Variants in KLF8 observed in about 807,000 individuals in gnomAD.
KLF8 encodes KLF transcription factor 8.
In KLF8, 10 loss-of-function variants were observed where a neutral mutation model predicts 18.2. The observed-to-expected ratio is 0.55, with a 90% CI of 0.34 to 0.93. The LOEUF (loss-of-function observed/expected upper bound fraction) is 0.93. KLF8 is among the 40% of genes least tolerant of loss of function. The pLI is 0.02. For missense variants in KLF8, 264 were observed against 277.9 expected, an observed-to-expected ratio of 0.95 and a Z score of 0.36; for synonymous variants, 109 against 97.3, an observed-to-expected ratio of 1.12 and a Z score of -0.71.
At chrX:56,210,519 T>C in the KLF8 span, among the ~76,000 whole-genome samples, 19 of 111,269 alleles carry the variant, frequency 1.7e-4, no homozygotes, top group East Asian at 5.1e-3. Context: ...TGAGGTAGTC[T>C]TCTTTGAGTT....
chrX:56,227,721 GT>G (rs774407957), upstream of KLF8, among the ~76,000 whole-genome samples: 4 of 111,565 alleles, frequency 3.6e-5, no homozygotes, highest in Non-Finnish European at 7.5e-5. Flanking sequence ...GGCCAAGGAT[GT>G]TATCCCTTTT....
At chrX:56,243,829 C>T (rs1228356470) in intron 1 of KLF8, among the ~76,000 whole-genome samples, 2 of 110,720 alleles carry the variant, frequency 1.8e-5, no homozygotes, top group African/African-American at 6.6e-5. Context: ...CCACCACGCC[C>T]GGCCCAAAAC....
chrX:56,078,491 C>T, the KLF8 span, among the ~76,000 whole-genome samples: 8 of 111,685 alleles, frequency 7.2e-5, no homozygotes, highest in African/African-American at 2.6e-4. Context: ...AGGGATGAAT[C>T]CCACTTGATC....
At chrX:56,031,797 G>C in the KLF8 span, among the ~76,000 whole-genome samples, 1 of 111,173 alleles carries the variant, frequency 9.0e-6, no homozygotes, top group Admixed American at 9.5e-5. Context: ...TGGAAGGATC[G>C]GCAGACTAAT....
At chrX:56,049,514 A>G in the KLF8 span, among the ~76,000 whole-genome samples, 2 of 108,585 alleles carry the variant, frequency 1.8e-5, no homozygotes, top group African/African-American at 3.4e-5. Flanking sequence ...TTCTGCATCT[A>G]TGGAGATAAT....
chrX:56,053,406 C>A, the KLF8 span, among the ~76,000 whole-genome samples: 1 of 111,396 alleles, frequency 9.0e-6, no homozygotes, highest in East Asian at 2.8e-4. Flanking sequence ...CTGCCAGCTT[C>A]AGTTTGTCAG....
the KLF8 span, among the ~76,000 whole-genome samples, chrX:56,113,620 AAG>A: frequency 4.6e-5 from 5 of 107,763 alleles, no homozygotes; most frequent in South Asian, 8.3e-4. Flanking sequence ...AAAAGAAAAA[AAG>A]AAATGAAAAA....
the KLF8 span, chrX:55,908,746 G>T: frequency 3.5e-6 from 1 of 285,448 alleles, no homozygotes. Flanking sequence ...CGCCCCGTCG[G>T]CCCAGGCCCC....
At chrX:56,150,767 T>C in the KLF8 span, among the ~76,000 whole-genome samples, 1 of 111,583 alleles carries the variant, frequency 9.0e-6, no homozygotes, top group Admixed American at 9.6e-5. Flanking sequence ...AGAATTGCAG[T>C]CATCTAAAGA....
the KLF8 span, among the ~76,000 whole-genome samples, chrX:56,009,284 C>T: frequency 9.0e-6 from 1 of 111,476 alleles, no homozygotes; most frequent in Non-Finnish European, 1.9e-5. Context: ...CTGATGACAC[C>T]TCCAGGTGTG....
the KLF8 span, among the ~76,000 whole-genome samples, chrX:56,089,834 G>A: frequency 1.3e-3 from 148 of 112,404 alleles, 1 homozygote; most frequent in Non-Finnish European, 2.0e-3. Flanking sequence ...TTTTACTTCC[G>A]TGAACACAAC....
At chrX:56,154,207 C>T in the KLF8 span, among the ~76,000 whole-genome samples, 1 of 111,538 alleles carries the variant, frequency 9.0e-6, no homozygotes, top group Non-Finnish European at 1.9e-5. Flanking sequence ...GTAACCAAAA[C>T]AGCATGGTAC....
the KLF8 span, among the ~76,000 whole-genome samples, chrX:56,130,594 C>A: frequency 4.5e-5 from 5 of 111,116 alleles, no homozygotes; most frequent in Non-Finnish European, 7.5e-5. Context: ...AAACCAGGTT[C>A]TTTAACACCC....
the KLF8 span, among the ~76,000 whole-genome samples, chrX:56,098,509 A>G: frequency 8.9e-6 from 1 of 111,902 alleles, no homozygotes; most frequent in Admixed American, 9.5e-5. Context: ...GGATGCAGAA[A>G]TGACATTTGG....
chrX:56,269,539 G>A (rs2067022389), intron 4 of KLF8, 50 bp downstream of exon 4: 1 of 1,114,916 alleles, frequency 9.0e-7, no homozygotes. Flanking sequence ...GTGTGTGTGT[G>A]TGTGTGTGTA....
chrX:56,102,270 C>A, the KLF8 span, among the ~76,000 whole-genome samples: 1 of 110,970 alleles, frequency 9.0e-6, no homozygotes, highest in Admixed American at 9.6e-5. Context: ...AGGCATGTGG[C>A]TTTATTTCTA....
chrX:56,032,310 C>A, the KLF8 span, among the ~76,000 whole-genome samples: 3 of 111,256 alleles, frequency 2.7e-5, no homozygotes, highest in East Asian at 8.4e-4. Flanking sequence ...GTTGTATATG[C>A]CTCAAGTCTT....
At chrX:55,978,996 G>C in the KLF8 span, among the ~76,000 whole-genome samples, 2 of 111,459 alleles carry the variant, frequency 1.8e-5, no homozygotes, top group African/African-American at 6.5e-5. Flanking sequence ...ATTTTATACA[G>C]AGGACACATG....
intron 1 of KLF8, among the ~76,000 whole-genome samples, chrX:56,247,804 C>T (rs985536866): frequency 1.8e-5 from 2 of 110,989 alleles, no homozygotes; most frequent in Non-Finnish European, 3.8e-5. Context: ...CCTGAAAGAC[C>T]TGCCTGAGAA....
Sources: allele counts gnomAD v4.1 joint callset (sites outside exome capture counted in the v4.1 genomes callset), GRCh38; gene constraint gnomAD v4.1.1; transcripts MANE v1.5; gene names NCBI Gene and HGNC (gene_info 2026-07-23, HGNC 2026-07-21).